ZNF148: variants seen among roughly 807,000 people sequenced by gnomAD.
ZNF148 encodes the protein Beta-Enolase Repressor Factor-1.
A neutral mutation model predicts 67.7 loss-of-function variants in ZNF148; 7 were observed. The observed-to-expected ratio is 0.10, with a 90% CI of 0.06 to 0.19. The LOEUF (loss-of-function observed/expected upper bound fraction) is 0.19, where lower values mean the gene tolerates loss of function less well. ZNF148 is among the 10% of genes least tolerant of loss of function. ZNF148 has a pLI of 1.00. For missense variants in ZNF148, 583 were observed against 947.1 expected, an observed-to-expected ratio of 0.62 and a Z score of 5.05; for synonymous variants, 333 against 330.7, an observed-to-expected ratio of 1.01 and a Z score of -0.08.
intron 7 of ZNF148, among the ~76,000 whole-genome samples, chr3:125,237,046 T>C (rs775568282): frequency 6.6e-6 from 1 of 152,110 alleles, no homozygotes; most frequent in Non-Finnish European, 1.5e-5. Flanking sequence ...AATGAGAAGA[T>C]GGAGATGGGA....
intron 4 of ZNF148, among the ~76,000 whole-genome samples, chr3:125,300,921 G>A (rs1939554240): frequency 6.6e-6 from 1 of 151,280 alleles, no homozygotes; most frequent in Admixed American, 6.6e-5. Flanking sequence ...AAATCCTCCT[G>A]AATGGGTCTG....
intron 1 of ZNF148, among the ~76,000 whole-genome samples, chr3:125,337,372 CA>C (rs930791354): frequency 6.6e-6 from 1 of 152,110 alleles, no homozygotes; most frequent in Non-Finnish European, 1.5e-5. Context: ...CCAGAAGAAA[CA>C]TTCCAAAACT....
At chr3:125,351,115 G>C (rs977631292) in intron 1 of ZNF148, among the ~76,000 whole-genome samples, 4 of 152,172 alleles carry the variant, frequency 2.6e-5, no homozygotes, top group Non-Finnish European at 5.9e-5. Context: ...ACCAAGATGG[G>C]AGGATCGCTT....
rs1422598610 is a variant in ZNF148 at position 125,229,516 on chromosome 3, GT to G, written c.*2824del. On this transcript the variant is annotated 3_prime_UTR_variant, in exon 9 of 9. Coordinates refer to ENST00000360647, the MANE Select transcript of ZNF148 (RefSeq NM_021964.3). ...GACAAATGAAATATGTGAGAATAAG[GT>G]TTTAAAAAACCCTTTAGAAGATGTT... 1 of 152,106 alleles carries G rather than the reference GT, an allele frequency of 6.6e-6. No individual in the cohort carries two copies. The highest frequency in any genetic ancestry group is 1.5e-5 in the Non-Finnish European group (1 of 68,016). 9.4% of individuals were successfully genotyped at this position (152,106 alleles called of 1,614,324 possible).
chr3:125,374,245 C>T (rs1344609458), intron 1 of ZNF148, among the ~76,000 whole-genome samples: 4 of 152,150 alleles, frequency 2.6e-5, no homozygotes, highest in Admixed American at 2.6e-4. Context: ...ATCTACTGAA[C>T]AGCCCACACA....
intron 6 of ZNF148, 143 bp from the exon 7 acceptor site, chr3:125,277,952 G>T (rs1019224210): frequency 1.9e-6 from 1 of 532,718 alleles, no homozygotes; most frequent in Non-Finnish European, 3.2e-6. Flanking sequence ...GTTATTAACA[G>T]AATTTTATGT....
intron 4 of ZNF148, among the ~76,000 whole-genome samples, chr3:125,307,716 C>T (rs1226734469): frequency 1.3e-5 from 2 of 152,120 alleles, no homozygotes; most frequent in Non-Finnish European, 2.9e-5. Context: ...GTGATCTTGG[C>T]TCACTGCAAC....
chr3:125,259,041 T>G (rs1338620748), intron 7 of ZNF148, among the ~76,000 whole-genome samples: 4 of 152,188 alleles, frequency 2.6e-5, no homozygotes, highest in African/African-American at 9.7e-5. Flanking sequence ...TTAAACATGA[T>G]GTTATATCTT....
chr3:125,293,837 C>T (rs1370870433), intron 4 of ZNF148, among the ~76,000 whole-genome samples: 3 of 152,132 alleles, frequency 2.0e-5, no homozygotes, highest in African/African-American at 7.2e-5. Flanking sequence ...ATAACCATTA[C>T]AGGCAAGGCC....
At chr3:125,339,301 T>G (rs1941621928) in intron 1 of ZNF148, among the ~76,000 whole-genome samples, 1 of 152,226 alleles carries the variant, frequency 6.6e-6, no homozygotes, top group Non-Finnish European at 1.5e-5. Context: ...AATCTATTAA[T>G]TAGAATAAAT....
intron 5 of ZNF148, among the ~76,000 whole-genome samples, chr3:125,282,728 C>A (rs1050749222): frequency 1.1e-4 from 16 of 152,104 alleles, no homozygotes; most frequent in Non-Finnish European, 2.1e-4. Context: ...TAAATATACA[C>A]ATATGGTAAA....
At chr3:125,300,562 T>A in intron 4 of ZNF148, among the ~76,000 whole-genome samples, 1 of 152,222 alleles carries the variant, frequency 6.6e-6, no homozygotes, top group East Asian at 1.9e-4. Flanking sequence ...CGAAAATGCG[T>A]AACAGTATGC....
intron 1 of ZNF148, chr3:125,344,778 A>T (rs1417361968): frequency 2.1e-5 from 10 of 477,906 alleles, no homozygotes; most frequent in Non-Finnish European, 4.0e-5. Context: ...CACACCTAGA[A>T]CTTCATAGTA....
intron 3 of ZNF148, among the ~76,000 whole-genome samples, chr3:125,321,685 A>G (rs1940778173): frequency 6.6e-6 from 1 of 152,178 alleles, no homozygotes; most frequent in African/African-American, 2.4e-5. Flanking sequence ...GAAAAGGTAA[A>G]AAAAAAGTTC....
At chr3:125,258,636 CAT>C (rs1010546689) in intron 7 of ZNF148, among the ~76,000 whole-genome samples, 32 of 151,914 alleles carry the variant, frequency 2.1e-4, no homozygotes, top group Non-Finnish European at 4.4e-4. Flanking sequence ...ACAAATTAAT[CAT>C]ATGTTAAAAT....
At chr3:125,237,599 A>G (rs1560105199) in intron 7 of ZNF148, among the ~76,000 whole-genome samples, 1 of 152,206 alleles carries the variant, frequency 6.6e-6, no homozygotes, top group Non-Finnish European at 1.5e-5. Flanking sequence ...ATTAAACTAA[A>G]TTTAAAAAAG....
chr3:125,297,381 C>T (rs1386274663), intron 4 of ZNF148, among the ~76,000 whole-genome samples: 1 of 152,064 alleles, frequency 6.6e-6, no homozygotes, highest in East Asian at 1.9e-4. Context: ...AATGTTGGGA[C>T]AGGCAAAAAT....
chr3:125,308,540 AC>A (rs67240043), intron 4 of ZNF148, among the ~76,000 whole-genome samples: 87,448 of 128,194 alleles, frequency 0.68, 28,419 homozygotes, highest in Middle Eastern at 0.76. Flanking sequence ...AAAAAAAAAA[AC>A]AAAAACCTAA....
At chr3:125,252,929 GA>G (rs1469365749) in intron 7 of ZNF148, among the ~76,000 whole-genome samples, 2 of 152,088 alleles carry the variant, frequency 1.3e-5, no homozygotes, top group Non-Finnish European at 2.9e-5. Flanking sequence ...TGTTTCAAAT[GA>G]TTATAGCTTT....
Sources: gnomAD v4.1 joint callset for allele counts (sites outside exome capture counted in the v4.1 genomes callset) on GRCh38, gnomAD v4.1.1 for gene constraint, MANE v1.5 for transcripts, NCBI Gene and HGNC (gene_info 2026-07-23, HGNC 2026-07-21) for gene names.